The following SCRG1 variants were observed in gnomAD, a reference collection of about 807,000 sequenced individuals.
SCRG1 encodes stimulator of chondrogenesis 1.
In SCRG1, 3 loss-of-function variants were observed where a neutral mutation model predicts 7.7. The observed-to-expected ratio is 0.39, with a 90% confidence interval of 0.18 to 1.01. SCRG1 has a LOEUF of 1.01. Among genes scored for constraint, SCRG1 ranks in the 50% least tolerant of loss-of-function variants. The probability of loss-of-function intolerance (pLI) is 0.36; values close to 1 mark genes in which losing one functional copy is unlikely to be tolerated. For missense variants in SCRG1, 110 were observed against 117.2 expected, an observed-to-expected ratio of 0.94 and a Z score of 0.28; for synonymous variants, 46 against 41.2, an observed-to-expected ratio of 1.12 and a Z score of -0.44.
the SCRG1 span, among the ~76,000 whole-genome samples, chr4:173,463,335 G>A: frequency 2.6e-5 from 4 of 152,180 alleles, no homozygotes; most frequent in Non-Finnish European, 2.9e-5. Flanking sequence ...GTGCAGTGCC[G>A]TGATCTCGGC....
chr4:173,453,644 G>C, the SCRG1 span, among the ~76,000 whole-genome samples: 1 of 152,174 alleles, frequency 6.6e-6, no homozygotes, highest in Admixed American at 6.5e-5. Flanking sequence ...AAAAAATATG[G>C]TGTGATAATC....
chr4:173,417,392 G>A, the SCRG1 span, among the ~76,000 whole-genome samples: 1 of 152,142 alleles, frequency 6.6e-6, no homozygotes, highest in Non-Finnish European at 1.5e-5. Context: ...TTGAATTCTA[G>A]ACTCCTCAAT....
chr4:173,386,394 C>T lies in SCRG1; in HGVS notation c.*1947G>A, dbSNP rs1333330950. On this transcript the variant is annotated 3_prime_UTR_variant, in exon 3 of 3. Transcript: ENST00000296506. ...TGATCTCCTGACCTCGTGATAAGCCCGCCTCCGCCTCCCAAAGTGCTGGGA... is the reference window on the plus strand; with the variant it reads ...TGATCTCCTGACCTCGTGATAAGCCTGCCTCCGCCTCCCAAAGTGCTGGGA... The T allele has an allele frequency of 1.3e-5, 2 of 151,652 alleles. No homozygotes were observed. The highest frequency in any genetic ancestry group is 2.4e-5 in the African/African-American group (1 of 41,164). The allele number at this position is 151,652 out of a possible 1,614,324, so 9.4% of individuals were successfully genotyped here.
chr4:173,451,281 A>C, the SCRG1 span, among the ~76,000 whole-genome samples: 1 of 150,508 alleles, frequency 6.6e-6, no homozygotes, highest in Admixed American at 6.7e-5. Context: ...TTATTCCCAT[A>C]ATATAGATAA....
At chr4:173,518,335 G>T in the SCRG1 span, among the ~76,000 whole-genome samples, 1 of 152,208 alleles carries the variant, frequency 6.6e-6, no homozygotes, top group Non-Finnish European at 1.5e-5. Flanking sequence ...GACGGGAAGA[G>T]CCTCGGTTGT....
rs755345967 is a variant in SCRG1 at position 173,388,418 on chromosome 4, T to A, written c.243-23A>T. The A allele has an allele frequency of 1.8e-5, 28 of 1,565,372 alleles. No homozygotes were observed. The African/African-American group carries it at 3.7e-4, about 20-fold the overall frequency. On this transcript the variant is annotated intron_variant, in intron 2 of 2. Coordinates refer to ENST00000296506, the MANE Select transcript of SCRG1 (RefSeq NM_007281.4). ...TCTCTGAAAGAAAATAGAGCATCAA[T>A]TAAATTCACCTTAAGGCTAAGATAT...
chr4:173,391,540 T>C (rs1019007544), intron 1 of SCRG1, 112 bp from the exon 2 acceptor site: 2 of 1,068,586 alleles, frequency 1.9e-6, no homozygotes, highest in Non-Finnish European at 2.7e-6. Context: ...AGAATGGGAG[T>C]TGGGCTTTTC....
At chr4:173,412,661 G>T in the SCRG1 span, among the ~76,000 whole-genome samples, 2 of 152,106 alleles carry the variant, frequency 1.3e-5, no homozygotes, top group African/African-American at 4.8e-5. Context: ...ATCAGAAAAC[G>T]CCCTCAGTTT....
At chr4:173,403,366 T>C (rs775179716), upstream of SCRG1, 7 of 152,172 alleles carry the variant, frequency 4.6e-5, no homozygotes, top group Non-Finnish European at 8.8e-5. Flanking sequence ...ACCCTGGCTA[T>C]AATGGGGATA....
At chr4:173,483,277 A>ATATATTATATATC in the SCRG1 span, among the ~76,000 whole-genome samples, 210 of 40,576 alleles carry the variant, frequency 5.2e-3, 5 homozygotes, top group African/African-American at 6.4e-3. Context: ...TATGATATAT[A>ATATATTATATATC]ATATATGATA....
the SCRG1 span, among the ~76,000 whole-genome samples, chr4:173,466,164 A>G: frequency 6.6e-6 from 1 of 152,176 alleles, no homozygotes; most frequent in Non-Finnish European, 1.5e-5. Context: ...CTCGTGGCCA[A>G]ATGGAACAAG....
the SCRG1 span, among the ~76,000 whole-genome samples, chr4:173,476,363 A>AAAAAATATATATATATATATATATATAT: frequency 1.9e-4 from 19 of 98,506 alleles, no homozygotes; most frequent in Non-Finnish European, 3.5e-4. Flanking sequence ...GGAAAAAAAA[A>AAAAAATATATATATATATATATATATAT]ATATATATAT....
the SCRG1 span, among the ~76,000 whole-genome samples, chr4:173,500,263 G>C: frequency 2.0e-5 from 3 of 152,328 alleles, no homozygotes; most frequent in Admixed American, 6.5e-5. Context: ...GCATTCTTAC[G>C]ACGGTGGGTC....
the SCRG1 span, among the ~76,000 whole-genome samples, chr4:173,426,444 C>A: frequency 6.6e-6 from 1 of 152,202 alleles, no homozygotes; most frequent in Non-Finnish European, 1.5e-5. Context: ...TACATAAAAT[C>A]TGTGATCTAG....
chr4:173,488,517 CT>C, the SCRG1 span, among the ~76,000 whole-genome samples: 1 of 152,152 alleles, frequency 6.6e-6, no homozygotes, highest in African/African-American at 2.4e-5. Context: ...TAGTTCTTAT[CT>C]GCTCTGAGTT....
At chr4:173,479,643 G>A in the SCRG1 span, among the ~76,000 whole-genome samples, 3 of 151,830 alleles carry the variant, frequency 2.0e-5, no homozygotes, top group South Asian at 2.1e-4. Flanking sequence ...GTTTCACCAT[G>A]TTACTCAGGC....
intron 1 of SCRG1, among the ~76,000 whole-genome samples, chr4:173,393,726 C>T (rs1224173557): frequency 6.6e-6 from 1 of 151,980 alleles, no homozygotes; most frequent in African/African-American, 2.4e-5. Flanking sequence ...ATTGCAGTTT[C>T]CTACTATTAT....
chr4:173,423,716 C>A, the SCRG1 span, among the ~76,000 whole-genome samples: 1 of 149,804 alleles, frequency 6.7e-6, no homozygotes, highest in Non-Finnish European at 1.5e-5. Flanking sequence ...GACTGTAATA[C>A]CTCTGATGGA....
rs941285503 is a variant in SCRG1 at position 173,388,118 on chromosome 4, A to G, written c.*223T>C. 30 of 452,104 alleles carry G rather than the reference A, an allele frequency of 6.6e-5. No individual in the cohort carries two copies. Among genetic ancestry groups the G allele is most frequent in the Non-Finnish European group, 1.1e-4 (28 of 259,124 alleles). The allele number at this position is 452,104 out of a possible 1,614,324, so 28.0% of individuals were successfully genotyped here. ...GAACACCTCATAGATTACATTTTCT[A>G]GGCAAAATTTTTAACCAATGCCAAC... On this transcript the variant is annotated 3_prime_UTR_variant, in exon 3 of 3. Coordinates refer to ENST00000296506, the MANE Select transcript of SCRG1 (RefSeq NM_007281.4).
Sources: gnomAD v4.1 joint callset for allele counts (sites outside exome capture counted in the v4.1 genomes callset) on GRCh38, gnomAD v4.1.1 for gene constraint, MANE v1.5 for transcripts, NCBI Gene and HGNC (gene_info 2026-07-23, HGNC 2026-07-21) for gene names.